Variants in ZBTB20 observed in about 807,000 individuals in gnomAD.
ZBTB20 encodes the protein zinc finger and BTB domain-containing protein 20.
ZBTB20 carries 9 observed loss-of-function variants against 56.9 expected under a neutral mutation model. That is an observed-to-expected ratio of 0.16 (90% confidence interval 0.10 to 0.28). The LOEUF is 0.28. Among genes scored for constraint, ZBTB20 ranks in the 10% least tolerant of loss-of-function variants. The probability of loss-of-function intolerance (pLI) is 1.00; values close to 1 mark genes in which losing one functional copy is unlikely to be tolerated. For synonymous variants in ZBTB20, 417 were observed against 420.7 expected (o/e 0.99, Z 0.11); for missense variants, 655 against 1,003.0 (o/e 0.65, Z 4.69).
chr3:114,644,687 C>T (rs188058647), intron 6 of ZBTB20, among the ~76,000 whole-genome samples: 1 of 152,218 alleles, frequency 6.6e-6, no homozygotes, highest in East Asian at 1.9e-4. Flanking sequence ...AGGTACTGTG[C>T]TCATTACCAT....
intron 6 of ZBTB20, among the ~76,000 whole-genome samples, chr3:114,598,539 T>C (rs1440364515): frequency 6.6e-6 from 1 of 152,072 alleles, no homozygotes; most frequent in African/African-American, 2.4e-5. Flanking sequence ...ACAAACATTT[T>C]CTTCTGGAAG....
At chr3:114,725,237 CAG>C (rs2065187382) in intron 5 of ZBTB20, among the ~76,000 whole-genome samples, 1 of 152,286 alleles carries the variant, frequency 6.6e-6, no homozygotes, top group South Asian at 2.1e-4. Flanking sequence ...TTTATGCACA[CAG>C]AGTTAAAAAA....
At chr3:114,628,482 A>T in intron 6 of ZBTB20, among the ~76,000 whole-genome samples, 1 of 152,084 alleles carries the variant, frequency 6.6e-6, no homozygotes. Context: ...AATGCTACCA[A>T]CTTCTAACTA....
chr3:115,005,098 A>G (rs1010242453), intron 2 of ZBTB20, among the ~76,000 whole-genome samples: 1 of 151,710 alleles, frequency 6.6e-6, no homozygotes, highest in East Asian at 2.0e-4. Context: ...CAACAACCCC[A>G]TTTCAAAGGA....
chr3:114,804,121 CT>C (rs1005924556), intron 4 of ZBTB20, among the ~76,000 whole-genome samples: 44 of 152,088 alleles, frequency 2.9e-4, no homozygotes, highest in Non-Finnish European at 2.8e-4. Flanking sequence ...ACATTCTGCA[CT>C]CCTTAAAGAT....
At position 115,060,953 on chromosome 3, in the gene ZBTB20, C is replaced by T. The variant is rs78331232; in HGVS notation, c.-507+10266G>A. ...TTAACTCTGTAGGTTAGAGAATTCACCTTTATTTCATCTTTAATATTTTAT... is the reference window on the plus strand; with the variant it reads ...TTAACTCTGTAGGTTAGAGAATTCATCTTTATTTCATCTTTAATATTTTAT... On this transcript the variant is annotated intron_variant, in intron 2 of 11. Coordinates refer to ENST00000675478, the MANE Select transcript of ZBTB20 (RefSeq NM_001348800.3). Among the ~76,000 whole-genome samples the T allele has an allele frequency of 8.3e-3, 1,262 of 152,114 alleles. 23 individuals are homozygous for T. Among genetic ancestry groups the T allele is most frequent in the South Asian group, 0.061 (292 of 4,818 alleles).
chr3:114,839,467 G>GAAAA (rs1420146858), intron 4 of ZBTB20, among the ~76,000 whole-genome samples: 44 of 150,354 alleles, frequency 2.9e-4, no homozygotes, highest in South Asian at 8.5e-4. Flanking sequence ...AAGAAAGAAA[G>GAAAA]AGAGAGAGAA....
At chr3:114,800,946 A>AC (rs1303923091) in intron 5 of ZBTB20, among the ~76,000 whole-genome samples, 155 bp downstream of exon 5, 1 of 151,640 alleles carries the variant, frequency 6.6e-6, no homozygotes, top group Non-Finnish European at 1.5e-5. Flanking sequence ...GAGACCAACA[A>AC]CTTTTTTTTT....
At chr3:114,765,344 T>C (rs2068714814) in intron 5 of ZBTB20, among the ~76,000 whole-genome samples, 1 of 152,158 alleles carries the variant, frequency 6.6e-6, no homozygotes. Flanking sequence ...TACTCAAGTA[T>C]GACTTATGCC....
At chr3:114,750,679 T>C (rs1471542139) in intron 5 of ZBTB20, among the ~76,000 whole-genome samples, 1 of 152,216 alleles carries the variant, frequency 6.6e-6, no homozygotes, top group Non-Finnish European at 1.5e-5. Context: ...GTTTGTGACA[T>C]TAACAGAATT....
At chr3:114,415,443 G>A (rs1020522047) in intron 7 of ZBTB20, among the ~76,000 whole-genome samples, 1 of 152,056 alleles carries the variant, frequency 6.6e-6, no homozygotes, top group Admixed American at 6.6e-5. Context: ...TCACTACACT[G>A]TCTAGGCCTA....
chr3:114,988,305 G>A (rs1576497693), intron 2 of ZBTB20, among the ~76,000 whole-genome samples: 1 of 134,630 alleles, frequency 7.4e-6, no homozygotes, highest in African/African-American at 2.8e-5. Context: ...CGGTGTCCAC[G>A]TGTTCTCATT....
intron 6 of ZBTB20, among the ~76,000 whole-genome samples, chr3:114,537,168 C>T (rs138625143): frequency 0.012 from 1,833 of 152,248 alleles, 37 homozygotes; most frequent in African/African-American, 0.039. Flanking sequence ...AGCTTCTGCA[C>T]AGCAAAAGAA....
intron 4 of ZBTB20, among the ~76,000 whole-genome samples, chr3:114,812,225 C>A (rs2108882263): frequency 6.6e-6 from 1 of 152,314 alleles, no homozygotes. Flanking sequence ...CACCCACATC[C>A]TGCTGATTGG....
intron 6 of ZBTB20, among the ~76,000 whole-genome samples, chr3:114,557,193 C>G (rs2051344358): frequency 6.6e-6 from 1 of 151,936 alleles, no homozygotes; most frequent in Admixed American, 6.6e-5. Context: ...CTCTTTTCAG[C>G]TTTGATATGC....
intron 5 of ZBTB20, among the ~76,000 whole-genome samples, chr3:114,769,592 T>C (rs934996075): frequency 6.0e-5 from 6 of 100,620 alleles, no homozygotes; most frequent in Admixed American, 5.8e-4. Flanking sequence ...TATATATATA[T>C]ATATAATGGA....
At chr3:114,355,276 C>G (rs2081126943) in intron 10 of ZBTB20, among the ~76,000 whole-genome samples, 1 of 152,124 alleles carries the variant, frequency 6.6e-6, no homozygotes, top group African/African-American at 2.4e-5. Context: ...TGAGTTAAGA[C>G]TCTTGCGATA....
chr3:114,326,362 T>C lies in ZBTB20; in HGVS notation c.*12643A>G, dbSNP rs990176226. 6.6e-6 allele frequency: 1 copy of C among 152,160 alleles called. No individual in the cohort carries two copies. The highest frequency in any genetic ancestry group is 1.5e-5 in the Non-Finnish European group (1 of 68,022). The allele number at this position is 152,160 out of a possible 1,614,324, so 9.4% of individuals were successfully genotyped here. A position where few individuals can be genotyped will look rare whatever the true frequency, so the allele number is the denominator to read the frequency against. The stretch of plus-strand genomic sequence containing the variant: ...CCCCAGACCTGTTAGTTTAGGTAAA[T>C]ACGGTTTCTTTCTCAAGGAACAGGT... On this transcript the variant is annotated 3_prime_UTR_variant, in exon 12 of 12. Coordinates refer to ENST00000675478, the MANE Select transcript of ZBTB20 (RefSeq NM_001348800.3).
At chr3:114,433,585 C>G (rs1165461382) in intron 7 of ZBTB20, among the ~76,000 whole-genome samples, 1 of 152,134 alleles carries the variant, frequency 6.6e-6, no homozygotes, top group African/African-American at 2.4e-5. Flanking sequence ...TTCACTCATT[C>G]AAATCACAAC....
Sources: allele counts gnomAD v4.1 joint callset (sites outside exome capture counted in the v4.1 genomes callset), GRCh38; gene constraint gnomAD v4.1.1; transcripts MANE v1.5; gene names NCBI Gene and HGNC (gene_info 2026-07-23, HGNC 2026-07-21).